The following FAM120B variants were observed in gnomAD, a reference collection of about 807,000 sequenced individuals.
FAM120B encodes the protein constitutive coactivator of peroxisome proliferator-activated receptor gamma.
In FAM120B, 83 loss-of-function variants were observed where a neutral mutation model predicts 96.3. The ratio of observed to expected loss-of-function variants is 0.86; its 90% CI spans 0.72 to 1.03. The LOEUF (loss-of-function observed/expected upper bound fraction) is 1.03. Ranked by LOEUF, FAM120B falls within the 50% of genes least tolerant of loss-of-function variation. FAM120B has a pLI of 0.00. For synonymous variants in FAM120B, 407 were observed against 402.7 expected (o/e 1.01, Z -0.13); for missense variants, 1,027 against 1,121.2 (o/e 0.92, Z 1.20).
chr6:170,305,448 T>C (rs1784249292), upstream of FAM120B, among the ~76,000 whole-genome samples: 1 of 152,222 alleles, frequency 6.6e-6, no homozygotes, highest in Admixed American at 6.5e-5. Flanking sequence ...GCATACGTGG[T>C]GCCACTTCAA....
At chr6:170,295,243 C>A (rs1266246859), upstream of FAM120B, 1 of 584,812 alleles carries the variant, frequency 1.7e-6, no homozygotes, top group African/African-American at 1.9e-5. The surrounding 1 kb of genome is among the most constrained non-coding windows in gnomAD (Gnocchi z 7.8). Flanking sequence ...ATAGACCTTA[C>A]CCCCCAACAC....
intron 9 of FAM120B, among the ~76,000 whole-genome samples, chr6:170,401,947 T>C (rs1325297881): frequency 4.1e-5 from 1 of 24,482 alleles, no homozygotes; most frequent in Non-Finnish European, 1.3e-4. Context: ...GATGCATGAG[T>C]GGCCACAGGC....
intron 8 of FAM120B, among the ~76,000 whole-genome samples, chr6:170,394,888 A>T (rs1352939593): frequency 6.6e-6 from 1 of 152,252 alleles, no homozygotes; most frequent in Admixed American, 6.5e-5. Flanking sequence ...TGGAGCAGGG[A>T]CAGTACCCAT....
At chr6:170,295,287 A>T, upstream of FAM120B, 3 of 649,888 alleles carry the variant, frequency 4.6e-6, no homozygotes, top group Middle Eastern at 2.4e-4. The surrounding 1 kb of genome is among the most constrained non-coding windows in gnomAD (Gnocchi z 7.8). Flanking sequence ...CTGCCCAGCC[A>T]CGCCCACCCA....
chr6:170,368,829 G>T (rs959262472), intron 6 of FAM120B, among the ~76,000 whole-genome samples: 3 of 149,008 alleles, frequency 2.0e-5, no homozygotes, highest in South Asian at 4.3e-4. Context: ...CTGGGGGGGG[G>T]GCTCCCTCCT....
intron 6 of FAM120B, among the ~76,000 whole-genome samples, chr6:170,372,803 A>G (rs57875489): frequency 0.017 from 2,651 of 152,320 alleles, 75 homozygotes; most frequent in African/African-American, 0.057. Context: ...CCCAACTACA[A>G]TCGGAAGACT....
At chr6:170,361,216 A>AAGTG (rs577146615) in intron 6 of FAM120B, among the ~76,000 whole-genome samples, 1 of 106,862 alleles carries the variant, frequency 9.4e-6, no homozygotes, top group Non-Finnish European at 1.8e-5. Flanking sequence ...ATATATATAT[A>AAGTG]TATATATATA....
chr6:170,307,486 A>C (rs527735592), intron 1 of FAM120B, among the ~76,000 whole-genome samples: 1 of 152,182 alleles, frequency 6.6e-6, no homozygotes, highest in Admixed American at 6.5e-5. Context: ...AAATTTCCAT[A>C]AAGGTTGGAT....
intron 9 of FAM120B, among the ~76,000 whole-genome samples, chr6:170,401,700 C>A (rs893586597): frequency 2.6e-5 from 4 of 152,196 alleles, no homozygotes; most frequent in Admixed American, 6.5e-5. Flanking sequence ...GCTCCACAGT[C>A]CAGAATTTTT....
chr6:170,372,838 T>G lies in FAM120B; in HGVS notation c.2283+14520T>G, dbSNP rs3734765. On this transcript the variant is annotated intron_variant, in intron 6 of 10. Transcript: ENST00000476287. ...TTCTAGTGAAGAGAAAGAATTTTAG[T>G]TATAAAATCAAACTAGGCCTTTTGG... 1.4e-3 allele frequency among the ~76,000 whole-genome samples: 214 copies of G among 152,360 alleles called. 5 individuals are homozygous for G. The East Asian group carries it at 0.035, about 25-fold the overall frequency.
At chr6:170,326,566 A>T (rs1445353205) in intron 3 of FAM120B, among the ~76,000 whole-genome samples, 1 of 152,154 alleles carries the variant, frequency 6.6e-6, no homozygotes, top group African/African-American at 2.4e-5. Context: ...GTCAGATAAT[A>T]ATAAATATTG....
intron 6 of FAM120B, among the ~76,000 whole-genome samples, chr6:170,378,790 G>A (rs1296072903): frequency 6.6e-6 from 1 of 152,214 alleles, no homozygotes; most frequent in Non-Finnish European, 1.5e-5. Context: ...CCTGAGCCCC[G>A]AGCTTCCGGT....
At chr6:170,347,377 T>C (rs1787261337) in intron 4 of FAM120B, among the ~76,000 whole-genome samples, 1 of 152,212 alleles carries the variant, frequency 6.6e-6, no homozygotes, top group South Asian at 2.1e-4. Flanking sequence ...TGTCAGAGTG[T>C]GGAAGCAGAG....
chr6:170,330,435 C>T lies in FAM120B; in HGVS notation c.1916-14C>T. On this transcript the variant is annotated splice_polypyrimidine_tract_variant and intron_variant, in intron 3 of 10. Transcript: ENST00000476287. ...TGCCCTCATGCATCTACTGACCCAACTCTTTTTCTTCAGATGTCACCAGCA... is the reference window on the plus strand; with the variant it reads ...TGCCCTCATGCATCTACTGACCCAATTCTTTTTCTTCAGATGTCACCAGCA... 4 of 1,610,646 alleles carry T rather than the reference C, an allele frequency of 2.5e-6. No individual in the cohort carries two copies. The highest frequency in any genetic ancestry group is 3.4e-6 in the Non-Finnish European group (4 of 1,176,964).
At chr6:170,291,924 C>T (rs1783887839), upstream of FAM120B, among the ~76,000 whole-genome samples, 1 of 152,242 alleles carries the variant, frequency 6.6e-6, no homozygotes, top group Non-Finnish European at 1.5e-5. Context: ...CGGGTATCCC[C>T]CTCGGCCTCC....
chr6:170,392,656 C>T (rs1202043985), intron 8 of FAM120B, among the ~76,000 whole-genome samples: 1 of 152,170 alleles, frequency 6.6e-6, no homozygotes, highest in African/African-American at 2.4e-5. Flanking sequence ...AGAACTCAGC[C>T]CAGATTCTTA....
intron 2 of FAM120B, among the ~76,000 whole-genome samples, chr6:170,321,578 C>T (rs1219629712): frequency 6.6e-6 from 1 of 152,170 alleles, no homozygotes; most frequent in African/African-American, 2.4e-5. Flanking sequence ...GGGGTTTCGC[C>T]ATGTTGCCCA....
At chr6:170,366,638 G>T (rs1392874832) in intron 6 of FAM120B, among the ~76,000 whole-genome samples, 1 of 152,228 alleles carries the variant, frequency 6.6e-6, no homozygotes, top group Non-Finnish European at 1.5e-5. Context: ...GGTCTCTGGT[G>T]TGGGGTGAAT....
At chr6:170,315,272 C>T (rs921129686) in intron 1 of FAM120B, among the ~76,000 whole-genome samples, 1 of 152,170 alleles carries the variant, frequency 6.6e-6, no homozygotes, top group Non-Finnish European at 1.5e-5. Flanking sequence ...TAAATTAAAG[C>T]CAGGCATAGA....
Sources: allele counts gnomAD v4.1 joint callset (sites outside exome capture counted in the v4.1 genomes callset), GRCh38; gene constraint gnomAD v4.1.1; non-coding constraint Gnocchi (gnomAD v3.1); transcripts MANE v1.5; gene names NCBI Gene and HGNC (gene_info 2026-07-23, HGNC 2026-07-21).